The following FAF1 variants were observed in gnomAD, a reference collection of about 807,000 sequenced individuals.
FAF1 encodes the protein FAS-associated factor 1.
Under a neutral mutation model 92.5 loss-of-function variants are expected in FAF1, and 25 were observed. The ratio of observed to expected loss-of-function variants is 0.27; its 90% confidence interval spans 0.20 to 0.38. FAF1 has a LOEUF of 0.38. Among genes scored for constraint, FAF1 ranks in the 10% least tolerant of loss-of-function variants. The probability of loss-of-function intolerance (pLI) is 1.00; values close to 1 mark genes in which losing one functional copy is unlikely to be tolerated. For missense variants in FAF1, 636 were observed against 793.3 expected, an observed-to-expected ratio of 0.80 and a Z score of 2.38; for synonymous variants, 234 against 273.2, an observed-to-expected ratio of 0.86 and a Z score of 1.42.
chr1:50,590,606 C>T (rs1651456014), intron 9 of FAF1, among the ~76,000 whole-genome samples: 1 of 152,032 alleles, frequency 6.6e-6, no homozygotes, highest in Non-Finnish European at 1.5e-5. Flanking sequence ...TATTTTAATC[C>T]TTCCTTTTAT....
At chr1:50,453,599 T>G (rs1043925588) in intron 18 of FAF1, among the ~76,000 whole-genome samples, 1 of 152,226 alleles carries the variant, frequency 6.6e-6, no homozygotes, top group Admixed American at 6.5e-5. Context: ...CTTATAAAAC[T>G]GGAAGGCAAG....
At chr1:50,603,099 T>C (rs758427296) in intron 8 of FAF1, among the ~76,000 whole-genome samples, 3 of 152,160 alleles carry the variant, frequency 2.0e-5, no homozygotes, top group South Asian at 2.1e-4. Flanking sequence ...CTCACAACCA[T>C]TTAAAAAGTA....
At chr1:50,653,266 A>G (rs189104653) in intron 8 of FAF1, among the ~76,000 whole-genome samples, 36 of 152,332 alleles carry the variant, frequency 2.4e-4, no homozygotes, top group African/African-American at 8.2e-4. Flanking sequence ...TATAACATCA[A>G]TGCTAAAATC....
chr1:50,566,945 C>A (rs1650200299), intron 13 of FAF1, 132 bp downstream of exon 13: 2 of 586,914 alleles, frequency 3.4e-6, no homozygotes, highest in East Asian at 3.0e-5. Context: ...CTGCAACGAG[C>A]AGCTTTTGTC....
chr1:50,836,011 T>C (rs1644197763), intron 2 of FAF1, among the ~76,000 whole-genome samples: 1 of 152,104 alleles, frequency 6.6e-6, no homozygotes, highest in Admixed American at 6.5e-5. Flanking sequence ...GCTATGATCT[T>C]GGGAATATTT....
At chr1:50,753,173 CAT>C (rs1347183415) in intron 4 of FAF1, among the ~76,000 whole-genome samples, 1 of 152,150 alleles carries the variant, frequency 6.6e-6, no homozygotes, top group African/African-American at 2.4e-5. Context: ...GTAATTCCAC[CAT>C]ACCATCCCCA....
At chr1:50,636,126 C>T (rs192027782) in intron 8 of FAF1, among the ~76,000 whole-genome samples, 1 of 152,134 alleles carries the variant, frequency 6.6e-6, no homozygotes, top group Non-Finnish European at 1.5e-5. Context: ...GATCAACATA[C>T]TCATCCTAAA....
intron 8 of FAF1, chr1:50,612,439 G>T: frequency 8.9e-7 from 1 of 1,125,316 alleles, no homozygotes; most frequent in South Asian, 2.0e-5. Flanking sequence ...GGTCATTTCA[G>T]CTCATCATAA....
At chr1:50,655,589 A>G (rs1480519255) in intron 7 of FAF1, 61 bp from the exon 8 acceptor site, 3 of 1,064,286 alleles carry the variant, frequency 2.8e-6, no homozygotes, top group East Asian at 2.4e-5. Flanking sequence ...ACAGTTTCCA[A>G]TCAATTTATG....
rs1293214572 is a variant in FAF1 at position 50,682,332 on chromosome 1, T to A, written c.657+23454A>T. ...CTGAGCAACACAGGGAGACCCTGTC[T>A]CTATTTTAAAAAATAAAAAAATCAG... is the stretch of plus-strand genomic sequence containing the variant. On this transcript the variant is annotated intron_variant, in intron 7 of 18. Coordinates refer to ENST00000396153, the MANE Select transcript of FAF1 (RefSeq NM_007051.3). 2.0e-5 allele frequency among the ~76,000 whole-genome samples: 3 copies of A among 151,900 alleles called. No individual in the cohort carries two copies. The East Asian group carries it at 5.9e-4, about 30-fold the overall frequency.
intron 7 of FAF1, among the ~76,000 whole-genome samples, chr1:50,694,015 C>CATGTATGACAT (rs1657065102): frequency 6.6e-6 from 1 of 151,718 alleles, no homozygotes; most frequent in Non-Finnish European, 1.5e-5. Flanking sequence ...ATATACATGA[C>CATGTATGACAT]ATATATGACA....
chr1:50,880,443 A>G (rs996337616), intron 1 of FAF1, among the ~76,000 whole-genome samples: 1 of 152,190 alleles, frequency 6.6e-6, no homozygotes, highest in Admixed American at 6.5e-5. Flanking sequence ...TATTCGGAGT[A>G]AGGAAATAAT....
chr1:50,846,503 C>T, intron 2 of FAF1: 1 of 493,652 alleles, frequency 2.0e-6, no homozygotes, highest in South Asian at 1.5e-5. Flanking sequence ...ATCCTGAAAG[C>T]CATGCCGCGG....
intron 6 of FAF1, 107 bp from the exon 7 acceptor site, chr1:50,705,998 T>G (rs767065718): frequency 3.3e-6 from 2 of 612,576 alleles, no homozygotes; most frequent in African/African-American, 1.8e-5. Flanking sequence ...CACACAGGCA[T>G]GTCTGGGCCC....
chr1:50,699,468 CTT>C (rs1476375549), intron 7 of FAF1, among the ~76,000 whole-genome samples: 6 of 152,016 alleles, frequency 3.9e-5, no homozygotes, highest in Admixed American at 3.9e-4. Flanking sequence ...GCAATTCACA[CTT>C]AATGTACTTT....
At chr1:50,651,021 TG>T (rs1394778661) in intron 8 of FAF1, among the ~76,000 whole-genome samples, 6 of 152,154 alleles carry the variant, frequency 3.9e-5, no homozygotes, top group Non-Finnish European at 7.3e-5. Context: ...TGAAGGGAGA[TG>T]GGCAACAATG....
At chr1:50,775,101 G>GA (rs778975554) in intron 4 of FAF1, among the ~76,000 whole-genome samples, 1 of 151,954 alleles carries the variant, frequency 6.6e-6, no homozygotes, top group African/African-American at 2.4e-5. Context: ...TACAGCTACA[G>GA]AAAAAATATT....
chr1:50,706,986 G>C (rs1030543351), intron 6 of FAF1, among the ~76,000 whole-genome samples: 1 of 151,914 alleles, frequency 6.6e-6, no homozygotes. Flanking sequence ...AGTGGATCAC[G>C]AGGTCAGGAG....
Position 50,583,333 on chromosome 1 carries a change from C to T in FAF1, c.1031+319G>A, listed in dbSNP as rs116236548. ...ATTTAATATTATTTTAAAGGATTTT[C>T]CATTTGACTGTCCTAAGATATACTA... is the stretch of plus-strand genomic sequence containing the variant. On this transcript the variant is annotated intron_variant, in intron 11 of 18. Transcript: ENST00000396153. This position sits in a 1 kb window ranked among gnomAD's most constrained non-coding sequence, Gnocchi z 4.2. Among the ~76,000 whole-genome samples, 1,984 of 151,866 alleles carry T rather than the reference C, an allele frequency of 0.013. 43 individuals carry two copies. The highest frequency in any genetic ancestry group is 0.044 in the African/African-American group (1,816 of 41,494).
Sources: gnomAD v4.1 joint callset for allele counts (sites outside exome capture counted in the v4.1 genomes callset) on GRCh38, gnomAD v4.1.1 for gene constraint, Gnocchi (gnomAD v3.1) non-coding constraint, MANE v1.5 for transcripts, NCBI Gene and HGNC (gene_info 2026-07-23, HGNC 2026-07-21) for gene names.